The following PCDHGC5 variants were observed in gnomAD, a reference collection of about 807,000 sequenced individuals.
PCDHGC5 encodes the protein protocadherin gamma subfamily C, 5, also known as protocadherin gamma-C5.
PCDHGC5 carries 25 observed loss-of-function variants against 59.0 expected under a neutral mutation model. The ratio of observed to expected loss-of-function variants is 0.42; its 90% CI spans 0.31 to 0.59. The LOEUF is 0.59. Among genes scored for constraint, PCDHGC5 ranks in the 20% least tolerant of loss-of-function variants. The pLI is 0.13. For missense variants in PCDHGC5, 1,067 were observed against 1,206.4 expected (o/e 0.88, Z 1.71); for synonymous variants, 434 against 505.5 (o/e 0.86, Z 1.90).
intron 3 of PCDHGC5, among the ~76,000 whole-genome samples, chr5:141,507,590 T>C (rs531629336): frequency 1.3e-5 from 2 of 152,374 alleles, no homozygotes; most frequent in African/African-American, 4.8e-5. Context: ...AGTTGGCCTC[T>C]TGAGGGAAAT....
intron 2 of PCDHGC5, among the ~76,000 whole-genome samples, chr5:141,496,279 G>C (rs902362885): frequency 1.3e-5 from 2 of 152,198 alleles, no homozygotes; most frequent in Non-Finnish European, 2.9e-5. Context: ...ACCTTCAGTT[G>C]GTCTGAGCAG....
Position 141,489,999 on chromosome 5 carries a change from GA to G in PCDHGC5, c.761del (p.Asn254MetfsTer24). On this transcript the variant is annotated frameshift_variant, in exon 1 of 4. Transcript: ENST00000252087. LOFTEE classifies it high-confidence loss of function. The surrounding 1 kb of genome is among the most constrained non-coding windows in gnomAD (Gnocchi z 4.5). ...CAGTTCTACGTGTGGGAATCCCAGA[GA>G]ATGCACCCATTGGTACTCTGCTGCT... ...SSVLRVGIPE[N>X]APIGTLLLRL... 1 of 1,614,242 alleles carries G rather than the reference GA, an allele frequency of 6.2e-7. No individual in the cohort carries two copies. Among genetic ancestry groups the G allele is most frequent in the Non-Finnish European group, 8.5e-7 (1 of 1,180,032 alleles).
Position 141,490,896 on chromosome 5 carries a change from G to A in PCDHGC5, c.1656G>A (p.Val552=). 6.2e-7 allele frequency: 1 copy of A among 1,613,938 alleles called. No homozygotes were observed. Among genetic ancestry groups the A allele is most frequent in the Non-Finnish European group, 8.5e-7 (1 of 1,179,922 alleles). ...PPLHANTSLH[V]FVLDENDNAP... ...TGCATGCCAACACATCTCTGCATGTGTTTGTCCTAGACGAGAATGATAATG... is the reference window on the plus strand; with the variant it reads ...TGCATGCCAACACATCTCTGCATGTATTTGTCCTAGACGAGAATGATAATG... Residue 552 remains valine, a synonymous_variant, in exon 1 of 4, where the codon GTG becomes GTA. Coordinates refer to ENST00000252087, the MANE Select transcript of PCDHGC5 (RefSeq NM_018929.3). This position sits in a 1 kb window ranked among gnomAD's most constrained non-coding sequence, Gnocchi z 5.4.
chr5:141,510,280 A>G (rs1218058358), intron 3 of PCDHGC5, among the ~76,000 whole-genome samples: 1 of 151,892 alleles, frequency 6.6e-6, no homozygotes, highest in Non-Finnish European at 1.5e-5. Context: ...CTTAAAAAAA[A>G]AAAAAAAAAA....
chr5:141,500,641 TA>T (rs1306300025), intron 2 of PCDHGC5, among the ~76,000 whole-genome samples: 4 of 152,346 alleles, frequency 2.6e-5, no homozygotes, highest in Middle Eastern at 3.4e-3. Flanking sequence ...ACTAGTTTTT[TA>T]AAAATAGCAA....
chr5:141,490,033 A>C lies in PCDHGC5; in HGVS notation c.793A>C (p.Asn265His), dbSNP rs200482631. The C allele has an allele frequency of 4.0e-5, 65 of 1,614,116 alleles. No homozygotes were observed. Among genetic ancestry groups the C allele is most frequent in the Non-Finnish European group, 4.1e-5 (48 of 1,180,040 alleles). Residue 265 changes from asparagine to histidine, a missense_variant, in exon 1 of 4, where the codon AAT becomes CAT. Asn to His is a moderately conservative substitution (Grantham distance 68, BLOSUM62 1). Transcript: ENST00000252087. This position sits in a 1 kb window ranked among gnomAD's most constrained non-coding sequence, Gnocchi z 5.4. ...APIGTLLLRLNATDPDEGTNG... is the reference protein window; with the variant it reads ...APIGTLLLRLHATDPDEGTNG... ...CATTGGTACTCTGCTGCTCCGCCTC[A>C]ATGCCACTGATCCAGACGAGGGCAC...
At position 141,490,502 on chromosome 5, in the gene PCDHGC5, T is replaced by C. The variant is rs1408615048; in HGVS notation, c.1262T>C (p.Ile421Thr). The change falls in exon 1 of 4, where the codon ATC (isoleucine) becomes ACC (threonine). Residue 421 changes from isoleucine (I) to threonine (T), a missense_variant. Physicochemically the swap from Ile to Thr is moderately conservative, Grantham distance 89 (BLOSUM62 -1). Transcript: ENST00000252087. The surrounding 1 kb of genome is among the most constrained non-coding windows in gnomAD (Gnocchi z 5.4). Reference sequence around the variant, plus strand: ...GACCGGGAGGCCACATCCCACTATATCATCGAGCTGCTGGCCAGCGATGCT... The same window carrying C: ...GACCGGGAGGCCACATCCCACTATACCATCGAGCTGCTGGCCAGCGATGCT... The part of the protein sequence containing the change: ...PLDREATSHY[I>T]IELLASDAGS... 1.2e-6 allele frequency: 2 copies of C among 1,614,094 alleles called. No individual in the cohort carries two copies. The highest frequency in any genetic ancestry group is 1.1e-5 in the South Asian group (1 of 91,076).
chr5:141,500,445 G>A (rs1319009998), intron 2 of PCDHGC5, among the ~76,000 whole-genome samples: 1 of 151,816 alleles, frequency 6.6e-6, no homozygotes, highest in Non-Finnish European at 1.5e-5. Flanking sequence ...TCCTGACCTC[G>A]TGATCCGCCC....
At chr5:141,508,267 C>G (rs993402135) in intron 3 of PCDHGC5, 5 of 152,336 alleles carry the variant, frequency 3.3e-5, no homozygotes, top group African/African-American at 9.6e-5. Context: ...AAGAGAAAAT[C>G]CCGGTCCTTG....
In PCDHGC5 at chr5:141,489,201, G is replaced by A. The variant is rs757039294; in HGVS notation, c.-40G>A. ...AGCCCTGGGTCTACCTTGGAGACAG[G>A]ACAGCACAGACTTACTCTCCACAAA... On this transcript the variant is annotated 5_prime_UTR_variant, in exon 1 of 4. Coordinates refer to ENST00000252087, the MANE Select transcript of PCDHGC5 (RefSeq NM_018929.3). This position sits in a 1 kb window ranked among gnomAD's most constrained non-coding sequence, Gnocchi z 4.5. The A allele has an allele frequency of 7.8e-6, 11 of 1,416,092 alleles. No individual in the cohort carries two copies. In the African/African-American group the frequency reaches 1.3e-4, roughly 17 times the overall value. 87.7% of individuals were successfully genotyped at this position (1,416,092 alleles called of 1,614,324 possible).
chr5:141,493,641 G>A lies in PCDHGC5; in HGVS notation c.2461-1166G>A, dbSNP rs547664603. Among the ~76,000 whole-genome samples, 2 of 152,240 alleles carry A rather than the reference G, an allele frequency of 1.3e-5. No individual in the cohort carries two copies. The highest frequency in any genetic ancestry group is 3.9e-4 in the East Asian group (2 of 5,172). On this transcript the variant is annotated intron_variant, in intron 1 of 3. Coordinates refer to ENST00000252087, the MANE Select transcript of PCDHGC5 (RefSeq NM_018929.3). The surrounding 1 kb of genome is among the most constrained non-coding windows in gnomAD (Gnocchi z 4.3). The stretch of plus-strand genomic sequence containing the variant: ...CTAAGAATACAGTGGCTGAGGGCTG[G>A]CCATCCCTGTGCCCTTCTCCATGGC...
chr5:141,491,232 G>C lies in PCDHGC5; in HGVS notation c.1992G>C (p.Leu664=). The C allele has an allele frequency of 6.2e-7, 1 of 1,614,220 alleles. No individual in the cohort carries two copies. Among genetic ancestry groups the C allele is most frequent in the Non-Finnish European group, 8.5e-7 (1 of 1,180,034 alleles). The change falls in exon 1 of 4, where the codon CTG becomes CTC. Residue 664 remains leucine, a synonymous_variant. Coordinates refer to ENST00000252087, the MANE Select transcript of PCDHGC5 (RefSeq NM_018929.3). The surrounding 1 kb of genome is among the most constrained non-coding windows in gnomAD (Gnocchi z 6.9). ...PSLSSTATVL[L]VLEDEDPEEM... is the part of the protein sequence containing the mutation. ...TCTCCTCCACAGCCACAGTGCTGCT[G>C]GTTCTGGAGGATGAGGACCCTGAGG... is the stretch of plus-strand genomic sequence containing the variant.
At chr5:141,509,032 A>G (rs2099873869) in intron 3 of PCDHGC5, among the ~76,000 whole-genome samples, 1 of 151,488 alleles carries the variant, frequency 6.6e-6, no homozygotes, top group African/African-American at 2.4e-5. Flanking sequence ...CTCCCACTCA[A>G]CCCCTCTCCC....
At chr5:141,492,385 G>A (rs1224771842) in intron 1 of PCDHGC5, among the ~76,000 whole-genome samples, 1 of 152,208 alleles carries the variant, frequency 6.6e-6, no homozygotes, top group Non-Finnish European at 1.5e-5. Context: ...GGCCTGTTCC[G>A]GTCCACTCGC....
intron 1 of PCDHGC5, among the ~76,000 whole-genome samples, chr5:141,492,685 C>T (rs919981996): frequency 1.3e-5 from 2 of 152,242 alleles, no homozygotes; most frequent in African/African-American, 2.4e-5. Context: ...CAAGGGTCGG[C>T]GACCCCTCAA....
rs1156927948 is a variant in PCDHGC5, at chr5:141,490,342, G to A, written c.1102G>A (p.Val368Ile). 16 of 1,614,126 alleles carry A rather than the reference G, an allele frequency of 9.9e-6. 1 individual carries two copies. In the Admixed American group the frequency reaches 1.3e-4, roughly 13 times the overall value. ...CCTAGAGAGCACACCAGTGGGCACA[G>A]TAGTGGGGTTGTTTAATGTGCGAGA... Reference protein sequence around the residue: ...PVLESTPVGTVVGLFNVRDRD... With the variant: ...PVLESTPVGTIVGLFNVRDRD... Residue 368 changes from valine to isoleucine, a missense_variant, in exon 1 of 4, where the codon GTA becomes ATA. By Grantham distance (29) the Val-to-Ile change is conservative. Coordinates refer to ENST00000252087, the MANE Select transcript of PCDHGC5 (RefSeq NM_018929.3). This position sits in a 1 kb window ranked among gnomAD's most constrained non-coding sequence, Gnocchi z 5.4.
intron 2 of PCDHGC5, among the ~76,000 whole-genome samples, chr5:141,499,133 T>C (rs1443866975): frequency 6.6e-6 from 1 of 152,184 alleles, no homozygotes; most frequent in East Asian, 1.9e-4. Context: ...GGTCATCCTT[T>C]GGGTGTCTGA....
At position 141,499,506 on chromosome 5, in the gene PCDHGC5, CA is replaced by C. The variant is rs759983739; in HGVS notation, c.2519+4644del. Among the ~76,000 whole-genome samples, 6 of 152,086 alleles carry C rather than the reference CA, an allele frequency of 3.9e-5. No homozygotes were observed. The South Asian group carries it at 1.0e-3, about 26-fold the overall frequency. On this transcript the variant is annotated intron_variant, in intron 2 of 3. Coordinates refer to ENST00000252087, the MANE Select transcript of PCDHGC5 (RefSeq NM_018929.3). Reference sequence around the variant, plus strand: ...AACTACAGTTTAATATGAAACATTTCAAATATGTACAAAAGTAGAGAGAATG... The same window carrying C: ...AACTACAGTTTAATATGAAACATTTCAATATGTACAAAAGTAGAGAGAATG...
chr5:141,505,255 C>T (rs2099844853), intron 2 of PCDHGC5, 138 bp from the exon 3 acceptor site: 1 of 1,481,112 alleles, frequency 6.8e-7, no homozygotes, highest in Admixed American at 2.1e-5. Context: ...AGAAGTGCCT[C>T]CTACCTTGCT....
Sources: gnomAD v4.1 joint callset for allele counts (sites outside exome capture counted in the v4.1 genomes callset) on GRCh38, gnomAD v4.1.1 for gene constraint, Gnocchi (gnomAD v3.1) non-coding constraint, MANE v1.5 for transcripts, NCBI Gene and HGNC (gene_info 2026-07-23, HGNC 2026-07-21) for gene names.